Variants in ZMAT4 observed in about 807,000 individuals in gnomAD.
ZMAT4 encodes zinc finger matrin-type protein 4.
In ZMAT4, 17 loss-of-function variants were observed where a neutral mutation model predicts 28.7. The observed-to-expected ratio is 0.59, with a 90% CI of 0.41 to 0.89. The LOEUF is 0.89. Ranked by LOEUF, ZMAT4 falls within the 40% of genes least tolerant of loss-of-function variation. The probability of loss-of-function intolerance (pLI) is 0.00; values close to 1 mark genes in which losing one functional copy is unlikely to be tolerated. For missense variants in ZMAT4, 240 were observed against 283.8 expected, an observed-to-expected ratio of 0.85 and a Z score of 1.11; for synonymous variants, 117 against 109.2, an observed-to-expected ratio of 1.07 and a Z score of -0.44.
chr8:40,881,586 GAAA>G (rs1818267137), intron 1 of ZMAT4, among the ~76,000 whole-genome samples: 1 of 104,912 alleles, frequency 9.5e-6, no homozygotes, highest in South Asian at 3.0e-4. Context: ...AAGAAAGAAA[GAAA>G]GAAAGAAAGA....
intron 3 of ZMAT4, among the ~76,000 whole-genome samples, chr8:40,738,763 A>G (rs1458942824): frequency 1.3e-5 from 2 of 152,210 alleles, no homozygotes; most frequent in African/African-American, 4.8e-5. Context: ...TCAACATTTA[A>G]TCTGTTAGAC....
At chr8:40,656,848 A>G (rs895138258) in intron 5 of ZMAT4, among the ~76,000 whole-genome samples, 2 of 152,166 alleles carry the variant, frequency 1.3e-5, no homozygotes, top group African/African-American at 2.4e-5. Context: ...GCCCACAGAG[A>G]TAAAACCTAG....
chr8:40,892,135 G>A (rs559075705), intron 1 of ZMAT4, among the ~76,000 whole-genome samples: 9 of 152,290 alleles, frequency 5.9e-5, no homozygotes, highest in Admixed American at 1.3e-4. Context: ...ATCCCGTTCC[G>A]TAAGGTAACA....
chr8:40,595,047 G>A (rs1585731215), intron 5 of ZMAT4, among the ~76,000 whole-genome samples: 2 of 152,292 alleles, frequency 1.3e-5, no homozygotes, highest in East Asian at 1.9e-4. Context: ...TGGGTAATTA[G>A]TTAAGTTCAT....
chr8:40,767,635 A>T lies in ZMAT4; in HGVS notation c.192+6T>A. 6.2e-7 allele frequency: 1 copy of T among 1,610,472 alleles called. No individual in the cohort carries two copies. Among genetic ancestry groups the T allele is most frequent in the Non-Finnish European group, 8.5e-7 (1 of 1,178,178 alleles). ...CTGAGGATATCACGTGGTACCAGAT[A>T]CTCACATTTTCTGACCGGAGCCTCT... On this transcript the variant is annotated splice_donor_region_variant and intron_variant, in intron 3 of 6. Coordinates refer to ENST00000297737, the MANE Select transcript of ZMAT4 (RefSeq NM_024645.3).
At chr8:40,657,873 A>T (rs1807997034) in intron 5 of ZMAT4, among the ~76,000 whole-genome samples, 1 of 152,128 alleles carries the variant, frequency 6.6e-6, no homozygotes, top group South Asian at 2.1e-4. Flanking sequence ...TATTTATCTT[A>T]CTTAGGATTC....
chr8:40,824,844 C>G (rs1815975617), intron 2 of ZMAT4, among the ~76,000 whole-genome samples: 1 of 152,200 alleles, frequency 6.6e-6, no homozygotes, highest in Admixed American at 6.5e-5. Flanking sequence ...CCTAGTAGCT[C>G]TCAGCATCCT....
intron 4 of ZMAT4, among the ~76,000 whole-genome samples, chr8:40,680,197 T>C (rs1337535375): frequency 1.3e-5 from 2 of 152,158 alleles, no homozygotes; most frequent in East Asian, 3.8e-4. Context: ...TGCACATCCT[T>C]CTGAAAAATT....
chr8:40,876,931 T>C (rs935202929), intron 1 of ZMAT4, among the ~76,000 whole-genome samples: 5 of 152,188 alleles, frequency 3.3e-5, no homozygotes, highest in Admixed American at 3.3e-4. Flanking sequence ...AAAAGACTCT[T>C]GTTACAGGGT....
rs1003549578 is a variant in ZMAT4 at position 40,868,150 on chromosome 8, G to A, written c.-5+29533C>T. Among the ~76,000 whole-genome samples the A allele has an allele frequency of 2.6e-5, 4 of 152,092 alleles. No individual in the cohort carries two copies. In the East Asian group the frequency reaches 7.7e-4, roughly 29 times the overall value. The stretch of plus-strand genomic sequence containing the variant: ...TTTGTTGAGTGCAGAATGAACAAAT[G>A]TTTTGCTCTGGTTTGCAAGTGTATT... On this transcript the variant is annotated intron_variant, in intron 1 of 6. Transcript: ENST00000297737.
At chr8:40,698,156 C>T (rs567288753) in intron 3 of ZMAT4, among the ~76,000 whole-genome samples, 41 of 152,200 alleles carry the variant, frequency 2.7e-4, no homozygotes, top group African/African-American at 8.9e-4. Context: ...GATGACTGTG[C>T]TGGCTGGATT....
In ZMAT4 at chr8:40,716,670, C is replaced by A. The variant is rs547939058; in HGVS notation, c.193-19269G>T. ...TCGTGCCACTGCACACCAGCCTGGG[C>A]GACAGAACGAGACTGTCTCAAAAAT... On this transcript the variant is annotated intron_variant, in intron 3 of 6. Coordinates refer to ENST00000297737, the MANE Select transcript of ZMAT4 (RefSeq NM_024645.3). Among the ~76,000 whole-genome samples, 217 of 151,998 alleles carry A rather than the reference C, an allele frequency of 1.4e-3. 1 individual carries two copies. The highest frequency in any genetic ancestry group is 5.0e-3 in the African/African-American group (208 of 41,466).
chr8:40,759,868 G>T (rs1009179249), intron 3 of ZMAT4, among the ~76,000 whole-genome samples: 2 of 152,146 alleles, frequency 1.3e-5, no homozygotes, highest in African/African-American at 4.8e-5. Flanking sequence ...AAGATGTGTG[G>T]ATGATCATCT....
At chr8:40,786,386 G>A (rs945483180) in intron 2 of ZMAT4, among the ~76,000 whole-genome samples, 1 of 152,092 alleles carries the variant, frequency 6.6e-6, no homozygotes, top group Non-Finnish European at 1.5e-5. Flanking sequence ...CTATATTTCA[G>A]CTATGAGAAA....
At chr8:40,808,998 A>C (rs1334973687) in intron 2 of ZMAT4, among the ~76,000 whole-genome samples, 1 of 152,212 alleles carries the variant, frequency 6.6e-6, no homozygotes, top group African/African-American at 2.4e-5. Context: ...TCTGTCAAAA[A>C]GACACATACA....
chr8:40,669,340 G>A (rs570448634), intron 5 of ZMAT4, among the ~76,000 whole-genome samples: 1 of 152,002 alleles, frequency 6.6e-6, no homozygotes, highest in East Asian at 1.9e-4. Context: ...ATAAAAGCAA[G>A]CAATGGAAGG....
intron 6 of ZMAT4, among the ~76,000 whole-genome samples, chr8:40,556,037 C>T (rs963399721): frequency 2.0e-5 from 3 of 152,164 alleles, no homozygotes; most frequent in African/African-American, 7.2e-5. Flanking sequence ...GCCCTCTATT[C>T]TGAGATACCA....
Position 40,856,896 on chromosome 8 carries a change from G to A in ZMAT4, c.-4-31216C>T, listed in dbSNP as rs75846477. Among the ~76,000 whole-genome samples the A allele has an allele frequency of 2.2e-3, 333 of 152,278 alleles. 3 individuals carry two copies. Among genetic ancestry groups the A allele is most frequent in the African/African-American group, 7.6e-3 (316 of 41,550 alleles). ...AACCCCAGAGTCTGCCACTGGAAAG[G>A]GATTGCAAATGGGGATGGGGGAGAA... On this transcript the variant is annotated intron_variant, in intron 1 of 6. Coordinates refer to ENST00000297737, the MANE Select transcript of ZMAT4 (RefSeq NM_024645.3).
At chr8:40,563,759 A>T (rs1803824092) in intron 6 of ZMAT4, among the ~76,000 whole-genome samples, 1 of 152,188 alleles carries the variant, frequency 6.6e-6, no homozygotes, top group South Asian at 2.1e-4. Flanking sequence ...GAATTTTGTG[A>T]CAGAGGGTAA....
Sources: allele counts gnomAD v4.1 joint callset (sites outside exome capture counted in the v4.1 genomes callset), GRCh38; gene constraint gnomAD v4.1.1; transcripts MANE v1.5; gene names NCBI Gene and HGNC (gene_info 2026-07-23, HGNC 2026-07-21).